Variants in TFEC observed in about 807,000 individuals in gnomAD.
The protein encoded by TFEC is transcription factor EC, also known as class E basic helix-loop-helix protein 34.
TFEC carries 31 observed loss-of-function variants against 41.6 expected under a neutral mutation model. That is an observed-to-expected ratio of 0.74 (90% CI 0.56 to 1.01). The LOEUF is 1.01. Ranked by LOEUF, TFEC falls within the 50% of genes least tolerant of loss-of-function variation. The pLI is 0.00. For synonymous variants in TFEC, 143 were observed against 140.6 expected, an observed-to-expected ratio of 1.02 and a Z score of -0.12; for missense variants, 402 against 404.1, an observed-to-expected ratio of 0.99 and a Z score of 0.04.
chr7:116,099,284 C>T (rs899110982), intron 3 of TFEC, among the ~76,000 whole-genome samples: 2 of 152,158 alleles, frequency 1.3e-5, no homozygotes, highest in Admixed American at 6.5e-5. Context: ...CAGGATTTAG[C>T]ACAAGATTCT....
In TFEC at chr7:115,950,952, A is replaced by G; in HGVS notation, c.440-3T>C. The G allele has an allele frequency of 6.5e-7, 1 of 1,540,632 alleles. No homozygotes were observed. Among genetic ancestry groups the G allele is most frequent in the Non-Finnish European group, 8.9e-7 (1 of 1,121,504 alleles). ...ATTATACCTTCTTCTTCTTTCAACT[A>G]TTAAAGAAGAAATATTATTGATTAT... On this transcript the variant is annotated splice_polypyrimidine_tract_variant and splice_region_variant and intron_variant, in intron 5 of 7. Transcript: ENST00000265440.
chr7:116,063,617 A>G (rs899266857), intron 3 of TFEC, among the ~76,000 whole-genome samples: 16 of 152,274 alleles, frequency 1.1e-4, no homozygotes, highest in African/African-American at 3.1e-4. Context: ...AGACTGTCTC[A>G]AAAAAGAAAA....
At chr7:115,972,619 G>T (rs1481640984) in intron 3 of TFEC, among the ~76,000 whole-genome samples, 1 of 152,064 alleles carries the variant, frequency 6.6e-6, no homozygotes, top group South Asian at 2.1e-4. Context: ...TAATTGAACT[G>T]CTTTGTTTTA....
At chr7:115,971,690 G>A (rs1045855184) in intron 3 of TFEC, among the ~76,000 whole-genome samples, 1 of 151,962 alleles carries the variant, frequency 6.6e-6, no homozygotes. Flanking sequence ...ACCAGAATTG[G>A]TTTAAATTAA....
chr7:116,011,419 C>G (rs935000287), intron 1 of TFEC, among the ~76,000 whole-genome samples: 1 of 151,934 alleles, frequency 6.6e-6, no homozygotes, highest in African/African-American at 2.4e-5. Flanking sequence ...TTTAAGACTT[C>G]CCTGTATATA....
chr7:115,958,944 A>C (rs1229713294), intron 3 of TFEC, among the ~76,000 whole-genome samples: 1 of 151,858 alleles, frequency 6.6e-6, no homozygotes, highest in African/African-American at 2.4e-5. Context: ...GTAAGAGTCC[A>C]GTGTTAGTGA....
chr7:115,946,396 C>CGTGT (rs3028673), intron 6 of TFEC, among the ~76,000 whole-genome samples: 12,707 of 122,634 alleles, frequency 0.1, 663 homozygotes, highest in African/African-American at 0.14. Context: ...AGAAACATAA[C>CGTGT]GTGTGTGTGT....
chr7:116,158,289 CTT>C (rs1302270723), intron 1 of TFEC, among the ~76,000 whole-genome samples: 1 of 151,980 alleles, frequency 6.6e-6, no homozygotes. Context: ...GACTATTTCT[CTT>C]TTTTCCCCCT....
chr7:116,064,844 A>C (rs73716901), intron 3 of TFEC, among the ~76,000 whole-genome samples: 1,918 of 152,302 alleles, frequency 0.013, 44 homozygotes, highest in African/African-American at 0.044. Context: ...ACTGTTGGCC[A>C]CAGGTACCCC....
intron 3 of TFEC, among the ~76,000 whole-genome samples, chr7:115,970,181 C>G (rs1793068854): frequency 6.6e-6 from 1 of 151,820 alleles, no homozygotes; most frequent in African/African-American, 2.4e-5. Context: ...AGAAAAAGAA[C>G]CAGTAAAATG....
intron 3 of TFEC, among the ~76,000 whole-genome samples, chr7:116,072,609 A>C (rs556080515): frequency 6.6e-6 from 1 of 151,778 alleles, no homozygotes; most frequent in South Asian, 2.1e-4. Flanking sequence ...TATTATTTAA[A>C]AGAACGATTT....
intron 6 of TFEC, 26 bp downstream of exon 6, chr7:115,950,848 A>T: frequency 6.4e-7 from 1 of 1,557,642 alleles, no homozygotes; most frequent in Non-Finnish European, 8.8e-7. Flanking sequence ...TTATAACATT[A>T]TTATAGAAAT....
At chr7:116,069,791 C>T (rs1348450004) in intron 3 of TFEC, among the ~76,000 whole-genome samples, 1 of 151,540 alleles carries the variant, frequency 6.6e-6, no homozygotes, top group East Asian at 1.9e-4. Context: ...GGTCTTTTGC[C>T]AACCACAATT....
chr7:116,091,241 G>C (rs763645931), intron 3 of TFEC, among the ~76,000 whole-genome samples: 87 of 152,128 alleles, frequency 5.7e-4, no homozygotes, highest in Non-Finnish European at 4.0e-4. Flanking sequence ...ATATAATTCA[G>C]AATTGTATGA....
chr7:116,141,674 T>C (rs1474426048), intron 1 of TFEC, among the ~76,000 whole-genome samples: 7 of 152,204 alleles, frequency 4.6e-5, no homozygotes, highest in Admixed American at 4.6e-4. Context: ...GGGGCCACCA[T>C]ATCCCATGAG....
At chr7:116,107,657 G>A (rs1482293564) in intron 3 of TFEC, among the ~76,000 whole-genome samples, 2 of 152,110 alleles carry the variant, frequency 1.3e-5, no homozygotes, top group African/African-American at 4.8e-5. Context: ...TTCTCTCTGT[G>A]ATTTCATCTA....
At chr7:116,111,489 T>C (rs1220653570) in intron 2 of TFEC, among the ~76,000 whole-genome samples, 1 of 152,032 alleles carries the variant, frequency 6.6e-6, no homozygotes, top group African/African-American at 2.4e-5. Context: ...CCTCATTAAA[T>C]GAGAAACAAA....
chr7:115,981,570 T>C (rs1793631891), intron 2 of TFEC, among the ~76,000 whole-genome samples: 1 of 152,184 alleles, frequency 6.6e-6, no homozygotes, highest in Non-Finnish European at 1.5e-5. Flanking sequence ...TAAGGTATTG[T>C]ATTTTCATCA....
At chr7:115,982,180 G>A (rs1239594655) in intron 2 of TFEC, among the ~76,000 whole-genome samples, 1 of 150,876 alleles carries the variant, frequency 6.6e-6, no homozygotes, top group Admixed American at 6.6e-5. Context: ...AATGCTCCCT[G>A]ATGTCACAGG....
Sources: gnomAD v4.1 joint callset for allele counts (sites outside exome capture counted in the v4.1 genomes callset) on GRCh38, gnomAD v4.1.1 for gene constraint, MANE v1.5 for transcripts, NCBI Gene and HGNC (gene_info 2026-07-23, HGNC 2026-07-21) for gene names.